AMBP: variants seen among roughly 807,000 people sequenced by gnomAD.
The protein encoded by AMBP is protein AMBP.
A neutral mutation model predicts 46.3 loss-of-function variants in AMBP; 37 were observed. The ratio of observed to expected loss-of-function variants is 0.80; its 90% CI spans 0.61 to 1.05. AMBP has a LOEUF of 1.05. Among genes scored for constraint, AMBP ranks in the 50% least tolerant of loss-of-function variants. AMBP has a pLI of 0.00. For missense variants in AMBP, 475 were observed against 461.2 expected, an observed-to-expected ratio of 1.03 and a Z score of -0.27; for synonymous variants, 174 against 175.9, an observed-to-expected ratio of 0.99 and a Z score of 0.09.
chr9:114,076,874 G>T, intron 1 of AMBP, 134 bp from the exon 2 acceptor site: 1 of 1,167,810 alleles, frequency 8.6e-7, no homozygotes, highest in Non-Finnish European at 1.2e-6. Context: ...CCTTTTAAGG[G>T]ATAATGTCTT....
At position 114,069,951 on chromosome 9, in the gene AMBP, T is replaced by C. The variant is rs1385319925; in HGVS notation, c.557-206A>G. The C allele has an allele frequency of 2.1e-5, 12 of 585,010 alleles. No individual in the cohort carries two copies. The Admixed American group carries it at 3.5e-4, about 17-fold the overall frequency. 36.2% of individuals were successfully genotyped at this position (585,010 alleles called of 1,614,324 possible). On this transcript the variant is annotated intron_variant, in intron 5 of 9. Transcript: ENST00000265132. ...GTGGCTGCACCATCATTACCATCTA[T>C]CCACTCCACCCCACCCCACTAGCAT... is the stretch of plus-strand genomic sequence containing the variant.
chr9:114,062,773 AAG>A lies in AMBP; in HGVS notation c.604-17_604-16del, dbSNP rs760492946. 6.2e-7 allele frequency: 1 copy of A among 1,613,296 alleles called. No individual in the cohort carries two copies. The highest frequency in any genetic ancestry group is 8.5e-7 in the Non-Finnish European group (1 of 1,179,350). ...CTCCGGACTCTCTGCGGGGGAGAGA[AAG>A]AGAAGAAGCAGTTGCAGACTCCTTG... On this transcript the variant is annotated splice_polypyrimidine_tract_variant and intron_variant, in intron 6 of 9. Coordinates refer to ENST00000265132, the MANE Select transcript of AMBP (RefSeq NM_001633.4).
intron 5 of AMBP, among the ~76,000 whole-genome samples, chr9:114,070,103 T>C (rs1846728878): frequency 6.6e-6 from 1 of 152,248 alleles, no homozygotes; most frequent in African/African-American, 2.4e-5. Flanking sequence ...GAAGGTGTTA[T>C]TATGCCCAAT....
intron 8 of AMBP, 72 bp downstream of exon 8, chr9:114,061,352 T>G (rs938803900): frequency 1.9e-6 from 3 of 1,602,676 alleles, no homozygotes; most frequent in Admixed American, 1.7e-5. Context: ...ACCTTTTCAA[T>G]TCGCAGGTGG....
intron 5 of AMBP, 102 bp from the exon 6 acceptor site, chr9:114,069,847 G>T: frequency 2.4e-6 from 3 of 1,263,022 alleles, no homozygotes; most frequent in Non-Finnish European, 3.4e-6. Flanking sequence ...CTGGGAACTT[G>T]TCGTGCCTTA....
At position 114,070,348 on chromosome 9, in the gene AMBP, C is replaced by T. The variant is rs181026985; in HGVS notation, c.557-603G>A. 2.2e-4 allele frequency among the ~76,000 whole-genome samples: 34 copies of T among 152,278 alleles called. No individual in the cohort carries two copies. In the East Asian group the frequency reaches 6.4e-3, roughly 29 times the overall value. ...CTGAGGCAGGCAACTGTGCCACCCCCATCCTTATGCAGCCAGGTAGACCCC... is the reference window on the plus strand; with the variant it reads ...CTGAGGCAGGCAACTGTGCCACCCCTATCCTTATGCAGCCAGGTAGACCCC... On this transcript the variant is annotated intron_variant, in intron 5 of 9. Transcript: ENST00000265132.
intron 6 of AMBP, among the ~76,000 whole-genome samples, chr9:114,065,192 T>C (rs1846681578): frequency 6.6e-6 from 1 of 151,556 alleles, no homozygotes; most frequent in African/African-American, 2.5e-5. Flanking sequence ...ACTGGGGTCC[T>C]AACCCCCCAG....
chr9:114,072,807 G>A (rs1040818777), intron 5 of AMBP, 118 bp downstream of exon 5: 7 of 780,292 alleles, frequency 9.0e-6, no homozygotes, highest in East Asian at 2.7e-5. Flanking sequence ...TGGAGGGGAG[G>A]CTGTGGCGCC....
intron 8 of AMBP, 124 bp from the exon 9 acceptor site, chr9:114,061,222 G>A: frequency 7.2e-7 from 1 of 1,396,024 alleles, no homozygotes; most frequent in Non-Finnish European, 9.7e-7. Flanking sequence ...TGACAGATGG[G>A]GAAACTGGGG....
rs1434007536 is a variant in AMBP, at chr9:114,076,774, A to G, written c.118-34T>C. 1.9e-6 allele frequency: 3 copies of G among 1,608,510 alleles called. No homozygotes were observed. The South Asian group carries it at 3.3e-5, about 18-fold the overall frequency. ...CAGGTGAGCTCTGGGGGTCTGCATC[A>G]GTCTCAGACCTCAAAGCAGACCTGG... On this transcript the variant is annotated intron_variant, in intron 1 of 9. Coordinates refer to ENST00000265132, the MANE Select transcript of AMBP (RefSeq NM_001633.4).
At chr9:114,066,905 GAA>G (rs1399705808) in intron 6 of AMBP, among the ~76,000 whole-genome samples, 1 of 152,152 alleles carries the variant, frequency 6.6e-6, no homozygotes, top group Admixed American at 6.5e-5. Context: ...ATCTGTATAT[GAA>G]AAGAGAACAT....
intron 6 of AMBP, among the ~76,000 whole-genome samples, chr9:114,068,542 G>A (rs954563187): frequency 6.6e-6 from 1 of 151,880 alleles, no homozygotes. Flanking sequence ...GGAGGCGGAG[G>A]TTGAAGTGAG....
chr9:114,076,639 G>A lies in AMBP; in HGVS notation c.219C>T (p.Gly73=), dbSNP rs758093236. The change falls in exon 2 of 10, where the codon GGC becomes GGT. Residue 73 remains glycine (G), a synonymous_variant. Coordinates refer to ENST00000265132, the MANE Select transcript of AMBP (RefSeq NM_001633.4). ...MTVSTLVLGE[G]ATEAEISMTS... is the part of the protein sequence containing the mutation. Reference sequence around the variant, plus strand: ...TCATGCTGATCTCCGCCTCTGTAGCGCCCTCTCCCAGCACCAGCGTGCTCA... The same window carrying A: ...TCATGCTGATCTCCGCCTCTGTAGCACCCTCTCCCAGCACCAGCGTGCTCA... 2.7e-5 allele frequency: 44 copies of A among 1,613,848 alleles called. 1 individual carries two copies. Among genetic ancestry groups the A allele is most frequent in the South Asian group, 2.1e-4 (19 of 91,082 alleles).
chr9:114,061,082 G>A lies in AMBP; in HGVS notation c.870C>T (p.Pro290=). Residue 290 remains proline (P), a synonymous_variant, in exon 9 of 10, where the codon CCC becomes CCT. Transcript: ENST00000265132. ...AGGCTCGGCAGGGGCCCCGGACTAT[G>A]GGGAGATTGCAGGCCGCTGTGGAGT... ...TCRTVAACNL[P]IVRGPCRAFI... The A allele has an allele frequency of 6.2e-7, 1 of 1,614,126 alleles. No homozygotes were observed. The highest frequency in any genetic ancestry group is 1.1e-5 in the South Asian group (1 of 91,068).
intron 2 of AMBP, 102 bp downstream of exon 2, chr9:114,076,496 T>G: frequency 6.6e-7 from 1 of 1,523,064 alleles, no homozygotes; most frequent in Non-Finnish European, 8.8e-7. Context: ...GGGAAGGTCC[T>G]GACTGGAAGC....
At chr9:114,061,239 G>A in intron 8 of AMBP, 141 bp from the exon 9 acceptor site, 1 of 1,390,032 alleles carries the variant, frequency 7.2e-7, no homozygotes. Flanking sequence ...GGGGCCCACA[G>A]GAAGAAAATG....
At chr9:114,075,175 C>T (rs192188871) in intron 2 of AMBP, 139 bp from the exon 3 acceptor site, 57 of 631,430 alleles carry the variant, frequency 9.0e-5, no homozygotes, top group African/African-American at 6.9e-4. Context: ...CTTTTTAATT[C>T]GGAAATGAAC....
chr9:114,077,045 A>G (rs932299071), intron 1 of AMBP, among the ~76,000 whole-genome samples: 1 of 152,146 alleles, frequency 6.6e-6, no homozygotes, highest in East Asian at 1.9e-4. Flanking sequence ...CCATAGCTCC[A>G]TCAACCACTG....
Position 114,072,973 on chromosome 9 carries a change from G to C in AMBP, c.508C>G (p.Gln170Glu), listed in dbSNP as rs771583184. The C allele has an allele frequency of 2.5e-6, 4 of 1,613,900 alleles. No individual in the cohort carries two copies. The highest frequency in any genetic ancestry group is 3.4e-6 in the Non-Finnish European group (4 of 1,179,860). The change falls in exon 5 of 10, where the codon CAG becomes GAG. Residue 170 changes from glutamine to glutamate, a missense_variant. Coordinates refer to ENST00000265132, the MANE Select transcript of AMBP (RefSeq NM_001633.4). The part of the protein sequence containing the change: ...TLLQDFRVVA[Q>E]GVGIPEDSIF... ...GAGTCCTCAGGGATGCCCACACCCT[G>C]GGCAACCACTCTGAAGTCCTGCAGG... is the stretch of plus-strand genomic sequence containing the variant.
Sources: gnomAD v4.1 joint callset for allele counts (sites outside exome capture counted in the v4.1 genomes callset) on GRCh38, gnomAD v4.1.1 for gene constraint, MANE v1.5 for transcripts, NCBI Gene and HGNC (gene_info 2026-07-23, HGNC 2026-07-21) for gene names.